Variants in CEACAM5 observed in about 807,000 individuals in gnomAD.
CEACAM5 encodes the protein cell adhesion molecule CEACAM5.
In CEACAM5, 52 loss-of-function variants were observed where a neutral mutation model predicts 63.0. The ratio of observed to expected loss-of-function variants is 0.83; its 90% CI spans 0.66 to 1.04. The LOEUF (loss-of-function observed/expected upper bound fraction) is 1.04, where lower values mean the gene tolerates loss of function less well. Ranked by LOEUF, CEACAM5 falls within the 50% of genes least tolerant of loss-of-function variation. The pLI is 0.00. For missense variants in CEACAM5, 790 were observed against 864.8 expected (o/e 0.91, Z 1.08); for synonymous variants, 357 against 351.3 (o/e 1.02, Z -0.18).
In CEACAM5 at chr19:41,720,541, C is replaced by G. The variant is rs1459812744; in HGVS notation, c.1771+333C>G. Among the ~76,000 whole-genome samples, 4 of 135,560 alleles carry G rather than the reference C, an allele frequency of 3.0e-5. No homozygotes were observed. In the East Asian group the frequency reaches 6.8e-4, roughly 23 times the overall value. 88.9% of individuals were successfully genotyped at this position (135,560 alleles called of 152,430 possible). On this transcript the variant is annotated intron_variant, in intron 7 of 9. Coordinates refer to ENST00000221992, the MANE Select transcript of CEACAM5 (RefSeq NM_004363.6). Reference sequence around the variant, plus strand: ...TTTTTTTTTGAGACGGAGTCTCGCTCTTTCGCCCAGGCTGGACTGCAGTGG... The same window carrying G: ...TTTTTTTTTGAGACGGAGTCTCGCTGTTTCGCCCAGGCTGGACTGCAGTGG...
chr19:41,727,396 T>A, intron 9 of CEACAM5, 44 bp downstream of exon 9: 4 of 955,786 alleles, frequency 4.2e-6, no homozygotes, highest in Non-Finnish European at 6.6e-6. Flanking sequence ...CCTGCAGTGC[T>A]GACTGCCATG....
intron 7 of CEACAM5, among the ~76,000 whole-genome samples, chr19:41,720,628 T>G (rs141317486): frequency 6.8e-6 from 1 of 148,142 alleles, no homozygotes; most frequent in African/African-American, 2.5e-5. Flanking sequence ...TGCCTCAGCC[T>G]CCCGAGTAAC....
At chr19:41,718,636 G>A (rs146107449) in intron 6 of CEACAM5, among the ~76,000 whole-genome samples, 1 of 152,198 alleles carries the variant, frequency 6.6e-6, no homozygotes, top group Non-Finnish European at 1.5e-5. Flanking sequence ...GCCCTATGTA[G>A]TGGAAGGGGC....
intron 2 of CEACAM5, among the ~76,000 whole-genome samples, chr19:41,713,262 G>A (rs1259602435): frequency 6.6e-6 from 1 of 151,962 alleles, no homozygotes; most frequent in African/African-American, 2.4e-5. Flanking sequence ...CTGAGATCGT[G>A]CCACTGCACT....
At chr19:41,726,558 T>C (rs555546683) in intron 8 of CEACAM5, among the ~76,000 whole-genome samples, 29 of 152,180 alleles carry the variant, frequency 1.9e-4, no homozygotes, top group African/African-American at 7.0e-4. Flanking sequence ...TGCAAGATAA[T>C]TTACCGGGGG....
intron 8 of CEACAM5, 28 bp from the exon 9 acceptor site, chr19:41,727,206 T>C (rs782317647): frequency 6.4e-6 from 10 of 1,558,068 alleles, no homozygotes; most frequent in Non-Finnish European, 8.9e-6. Context: ...TCATTCCTTC[T>C]CTTTTCTTTC....
At chr19:41,718,977 A>C (rs1555815629) in intron 6 of CEACAM5, among the ~76,000 whole-genome samples, 2 of 152,244 alleles carry the variant, frequency 1.3e-5, no homozygotes, top group African/African-American at 4.8e-5. Flanking sequence ...AAGATGCCAG[A>C]TGAAGCCAAG....
At chr19:41,711,363 C>A (rs1252529247) in intron 2 of CEACAM5, among the ~76,000 whole-genome samples, 4 of 152,176 alleles carry the variant, frequency 2.6e-5, no homozygotes, top group Non-Finnish European at 5.9e-5. Context: ...CCACTCACAC[C>A]CTGTGCCAAC....
At chr19:41,713,782 T>C (rs2072474028) in intron 2 of CEACAM5, among the ~76,000 whole-genome samples, 3 of 152,238 alleles carry the variant, frequency 2.0e-5, no homozygotes, top group Admixed American at 2.0e-4. Context: ...ACACACATGG[T>C]CCTTGAGGGC....
chr19:41,725,747 G>C (rs2072692296), intron 8 of CEACAM5, among the ~76,000 whole-genome samples: 1 of 152,004 alleles, frequency 6.6e-6, no homozygotes. Flanking sequence ...TGTCAATTTT[G>C]TTGATCTTTT....
At chr19:41,718,032 AC>A (rs2072555674) in intron 5 of CEACAM5, 95 bp from the exon 6 acceptor site, 1 of 1,460,648 alleles carries the variant, frequency 6.8e-7, no homozygotes, top group South Asian at 1.3e-5. Context: ...CAGGATTGTG[AC>A]TTGGCTCAGG....
chr19:41,721,371 G>A (rs553980488), intron 8 of CEACAM5, among the ~76,000 whole-genome samples, 195 bp downstream of exon 8: 1 of 152,372 alleles, frequency 6.6e-6, no homozygotes, highest in East Asian at 1.9e-4. Flanking sequence ...TCTCACGGCT[G>A]ACCTCGGGTC....
chr19:41,723,266 A>G (rs1555816587), intron 8 of CEACAM5, among the ~76,000 whole-genome samples: 1 of 152,152 alleles, frequency 6.6e-6, no homozygotes, highest in African/African-American at 2.4e-5. Flanking sequence ...CATTTTCCAC[A>G]GTAGCTAATA....
chr19:41,723,690 G>A (rs2122833419), intron 8 of CEACAM5, among the ~76,000 whole-genome samples: 1 of 152,140 alleles, frequency 6.6e-6, no homozygotes, highest in South Asian at 2.1e-4. Context: ...GGTGGTTCCT[G>A]TAATCCCAGC....
chr19:41,709,782 A>G lies in CEACAM5; in HGVS notation c.167A>G (p.His56Arg). The G allele has an allele frequency of 1.2e-6, 2 of 1,614,130 alleles. No homozygotes were observed. The highest frequency in any genetic ancestry group is 1.7e-6 in the Non-Finnish European group (2 of 1,180,022). ...AEGKEVLLLV[H>R]NLPQHLFGYS... is the part of the protein sequence containing the mutation. ...GGGAAGGAGGTGCTTCTACTTGTCC[A>G]CAATCTGCCCCAGCATCTTTTTGGC... Residue 56 changes from histidine (H) to arginine (R), a missense_variant, in exon 2 of 10, where the codon CAC (histidine) becomes CGC (arginine). His to Arg is a conservative substitution (Grantham distance 29). Coordinates refer to ENST00000221992, the MANE Select transcript of CEACAM5 (RefSeq NM_004363.6).
rs781837493 is a variant in CEACAM5 at position 41,721,147 on chromosome 19, A to T, written c.1997A>T (p.Asn666Ile). 1 of 1,614,214 alleles carries T rather than the reference A, an allele frequency of 6.2e-7. No individual in the cohort carries two copies. The highest frequency in any genetic ancestry group is 2.2e-5 in the East Asian group (1 of 44,882). The change falls in exon 8 of 10, where the codon AAT becomes ATT. Residue 666 changes from asparagine (N) to isoleucine (I), a missense_variant. By Grantham distance (149) the Asn-to-Ile change is moderately radical. Coordinates refer to ENST00000221992, the MANE Select transcript of CEACAM5 (RefSeq NM_004363.6). ...FVSNLATGRN[N>I]SIVKSITVSA... Reference sequence around the variant, plus strand: ...TCTAACTTGGCTACTGGCCGCAATAATTCCATAGTCAAGAGCATCACAGTC... The same window carrying T: ...TCTAACTTGGCTACTGGCCGCAATATTTCCATAGTCAAGAGCATCACAGTC...
At chr19:41,717,180 C>T (rs541318456) in intron 4 of CEACAM5, among the ~76,000 whole-genome samples, 2 of 152,372 alleles carry the variant, frequency 1.3e-5, no homozygotes, top group South Asian at 4.1e-4. Context: ...GTGCTGGGGG[C>T]TGTGACCCCC....
rs782674227 is a variant in CEACAM5 at position 41,727,356 on chromosome 19, G to A, written c.*36+4G>A. The A allele has an allele frequency of 2.2e-6, 3 of 1,381,994 alleles. No homozygotes were observed. Among genetic ancestry groups the A allele is most frequent in the African/African-American group, 2.9e-5 (2 of 70,114 alleles). The allele number at this position is 1,381,994 out of a possible 1,614,324, so 85.6% of individuals were successfully genotyped here. ...TTTCTTCATTTCAGGAAGACTGGTA[G>A]GTATAATGGCCTTTCCTCTTGTTCT... is the stretch of plus-strand genomic sequence containing the variant. On this transcript the variant is annotated splice_donor_region_variant and intron_variant, in intron 9 of 9. Coordinates refer to ENST00000221992, the MANE Select transcript of CEACAM5 (RefSeq NM_004363.6).
Position 41,709,776 on chromosome 19 carries a change from T to C in CEACAM5, c.161T>C (p.Leu54Pro), listed in dbSNP as rs2072404233. The C allele has an allele frequency of 3.1e-6, 5 of 1,614,144 alleles. No individual in the cohort carries two copies. Among genetic ancestry groups the C allele is most frequent in the Non-Finnish European group, 4.2e-6 (5 of 1,180,016 alleles). The change falls in exon 2 of 10, where the codon CTT (leucine) becomes CCT (proline). Residue 54 changes from leucine to proline, a missense_variant. Coordinates refer to ENST00000221992, the MANE Select transcript of CEACAM5 (RefSeq NM_004363.6). ...NVAEGKEVLLLVHNLPQHLFG... is the reference protein window; with the variant it reads ...NVAEGKEVLLPVHNLPQHLFG... Reference sequence around the variant, plus strand: ...GCAGAGGGGAAGGAGGTGCTTCTACTTGTCCACAATCTGCCCCAGCATCTT... The same window carrying C: ...GCAGAGGGGAAGGAGGTGCTTCTACCTGTCCACAATCTGCCCCAGCATCTT...
Sources: gnomAD v4.1 joint callset for allele counts (sites outside exome capture counted in the v4.1 genomes callset) on GRCh38, gnomAD v4.1.1 for gene constraint, MANE v1.5 for transcripts, NCBI Gene and HGNC (gene_info 2026-07-23, HGNC 2026-07-21) for gene names.